COP1: variants seen among roughly 807,000 people sequenced by gnomAD.
COP1 encodes the protein COP1 E3 ubiquitin ligase.
COP1 carries 24 observed loss-of-function variants against 101.3 expected under a neutral mutation model. The ratio of observed to expected loss-of-function variants is 0.24; its 90% CI spans 0.17 to 0.33. The LOEUF is 0.33. Ranked by LOEUF, COP1 falls within the 10% of genes least tolerant of loss-of-function variation. The pLI, the probability that COP1 is intolerant of heterozygous loss-of-function variation, is 1.00. For synonymous variants in COP1, 347 were observed against 341.9 expected (o/e 1.01, Z -0.17); for missense variants, 663 against 906.2 (o/e 0.73, Z 3.45).
In COP1 at chr1:176,060,344, T is replaced by C. The variant is rs537324518; in HGVS notation, c.1278-14020A>G. ...TTAAAGATGCCCTTTAAAATCAATA[T>C]ACTTAATATCAACTTTTGTTCATTC... On this transcript the variant is annotated intron_variant, in intron 11 of 19. Coordinates refer to ENST00000367669, the MANE Select transcript of COP1 (RefSeq NM_022457.7). 1.6e-4 allele frequency among the ~76,000 whole-genome samples: 25 copies of C among 152,314 alleles called. 1 individual carries two copies. The South Asian group carries it at 4.6e-3, about 28-fold the overall frequency.
intron 18 of COP1, among the ~76,000 whole-genome samples, chr1:175,956,264 T>C (rs375546130): frequency 2.0e-5 from 3 of 152,276 alleles, no homozygotes; most frequent in East Asian, 3.9e-4. Context: ...TTACAAATGC[T>C]GTTGAAACAA....
intron 15 of COP1, among the ~76,000 whole-genome samples, chr1:176,018,932 G>A (rs897108152): frequency 4.0e-5 from 6 of 151,896 alleles, no homozygotes; most frequent in Non-Finnish European, 5.9e-5. Context: ...TTGGGAGGCC[G>A]AGGCAAGTGG....
Position 175,988,360 on chromosome 1 carries a change from G to C in COP1, c.1900C>G (p.Arg634Gly). Residue 634 changes from arginine (R) to glycine (G), a missense_variant, in exon 17 of 20, where the codon CGT becomes GGT. Arg to Gly is a moderately radical substitution (Grantham distance 125, BLOSUM62 -2). Coordinates refer to ENST00000367669, the MANE Select transcript of COP1 (RefSeq NM_022457.7). ...LWNVGKPYCL[R>G]SFKGHINEKN... ...TCATTGATATGACCCTTGAAGGAACGTAGGCAGTATGGTTTCCCTACATTC... is the reference window on the plus strand; with the variant it reads ...TCATTGATATGACCCTTGAAGGAACCTAGGCAGTATGGTTTCCCTACATTC... The C allele has an allele frequency of 6.2e-7, 1 of 1,611,372 alleles. No homozygotes were observed. The highest frequency in any genetic ancestry group is 8.5e-7 in the Non-Finnish European group (1 of 1,177,864).
At chr1:176,007,366 G>A (rs1663544750) in intron 15 of COP1, among the ~76,000 whole-genome samples, 1 of 152,174 alleles carries the variant, frequency 6.6e-6, no homozygotes, top group Non-Finnish European at 1.5e-5. Flanking sequence ...TCTCCATCCA[G>A]CTTTGTTCCG....
chr1:176,117,161 T>C (rs986605874), intron 8 of COP1, among the ~76,000 whole-genome samples: 3 of 152,220 alleles, frequency 2.0e-5, no homozygotes, highest in Admixed American at 6.5e-5. Context: ...TGAGGTGATG[T>C]AGGCTAGCTA....
chr1:175,982,338 A>G (rs1398247866), intron 18 of COP1: 3 of 456,282 alleles, frequency 6.6e-6, no homozygotes, highest in Non-Finnish European at 1.3e-5. Flanking sequence ...TGACCCTTGG[A>G]AAACACAGGT....
chr1:176,174,560 T>A (rs1435596431), intron 3 of COP1, among the ~76,000 whole-genome samples: 1 of 150,792 alleles, frequency 6.6e-6, no homozygotes, highest in Non-Finnish European at 1.5e-5. Context: ...TTTTCCTTCA[T>A]AAAAAAAAAA....
intron 6 of COP1, among the ~76,000 whole-genome samples, chr1:176,137,173 T>C (rs1194091507): frequency 6.6e-6 from 1 of 152,328 alleles, no homozygotes; most frequent in East Asian, 1.9e-4. Context: ...TGAGTTAGTA[T>C]TTTATCTTTT....
At chr1:175,978,684 C>T (rs1363282074) in intron 18 of COP1, among the ~76,000 whole-genome samples, 1 of 151,984 alleles carries the variant, frequency 6.6e-6, no homozygotes, top group Non-Finnish European at 1.5e-5. Context: ...TTCAGATTGG[C>T]CCTCTTCCAG....
Position 176,171,904 on chromosome 1 carries a change from G to A in COP1, c.565+4006C>T, listed in dbSNP as rs558257715. On this transcript the variant is annotated intron_variant, in intron 3 of 19. Transcript: ENST00000367669. Reference sequence around the variant, plus strand: ...TGAAATTTCTGGTATTGAATAAAAAGCTTACTTATATATTTTTAAATCAAT... The same window carrying A: ...TGAAATTTCTGGTATTGAATAAAAAACTTACTTATATATTTTTAAATCAAT... Among the ~76,000 whole-genome samples the A allele has an allele frequency of 6.6e-4, 100 of 152,198 alleles. 1 individual carries two copies. The highest frequency in any genetic ancestry group is 4.6e-4 in the Admixed American group (7 of 15,284).
intron 15 of COP1, among the ~76,000 whole-genome samples, chr1:176,009,023 G>A (rs1571640119): frequency 1.3e-5 from 2 of 152,250 alleles, no homozygotes; most frequent in East Asian, 1.9e-4. Flanking sequence ...GTCAACCAGA[G>A]GTGAAGACTG....
chr1:175,952,062 G>C (rs1247522775), intron 18 of COP1, among the ~76,000 whole-genome samples: 2 of 152,168 alleles, frequency 1.3e-5, no homozygotes, highest in African/African-American at 4.8e-5. Context: ...TACATAAAGA[G>C]AAAGATCGCC....
At chr1:175,960,270 A>C (rs1256949883) in intron 18 of COP1, among the ~76,000 whole-genome samples, 2 of 152,186 alleles carry the variant, frequency 1.3e-5, no homozygotes, top group African/African-American at 4.8e-5. Flanking sequence ...TCAAAGCTCT[A>C]ACGCTTCTAG....
chr1:176,171,805 GA>G (rs1459982139), intron 3 of COP1, among the ~76,000 whole-genome samples: 1 of 152,178 alleles, frequency 6.6e-6, no homozygotes, highest in African/African-American at 2.4e-5. Context: ...TTCAAGCACG[GA>G]AATAGATTAT....
At chr1:176,086,258 C>T (rs1680136123) in intron 9 of COP1, among the ~76,000 whole-genome samples, 1 of 137,794 alleles carries the variant, frequency 7.3e-6, no homozygotes, top group African/African-American at 2.7e-5. Flanking sequence ...TGGAGTCTCA[C>T]TCTGTCGCCC....
chr1:176,062,101 C>T (rs142691375), intron 11 of COP1, among the ~76,000 whole-genome samples: 1 of 152,094 alleles, frequency 6.6e-6, no homozygotes, highest in Non-Finnish European at 1.5e-5. Context: ...TCCAGGTTCA[C>T]GTCATTCTCC....
intron 9 of COP1, among the ~76,000 whole-genome samples, chr1:176,095,708 T>C (rs1019444736): frequency 3.3e-5 from 5 of 152,024 alleles, no homozygotes; most frequent in East Asian, 3.8e-4. Flanking sequence ...AGATGTTCTT[T>C]GCAATTTTCC....
chr1:176,120,095 G>A (rs1047999538), intron 8 of COP1, among the ~76,000 whole-genome samples: 15 of 152,074 alleles, frequency 9.9e-5, no homozygotes, highest in African/African-American at 3.6e-4. Context: ...AGAGAAAAAT[G>A]AAAAACAGTA....
chr1:176,198,545 T>G (rs1435784818), intron 1 of COP1, among the ~76,000 whole-genome samples: 1 of 152,172 alleles, frequency 6.6e-6, no homozygotes, highest in East Asian at 1.9e-4. Context: ...TCATGTTAGA[T>G]AACTTCTTAG....
Sources: allele counts gnomAD v4.1 joint callset (sites outside exome capture counted in the v4.1 genomes callset), GRCh38; gene constraint gnomAD v4.1.1; transcripts MANE v1.5; gene names NCBI Gene and HGNC (gene_info 2026-07-23, HGNC 2026-07-21).